The following PSORS1C1 variants were observed in gnomAD, a reference collection of about 807,000 sequenced individuals.
PSORS1C1 encodes the protein psoriasis susceptibility 1 candidate 1.
PSORS1C1 carries 7 observed loss-of-function variants against 9.4 expected under a neutral mutation model. That is an observed-to-expected ratio of 0.75 (90% confidence interval 0.42 to 1.40). PSORS1C1 has a LOEUF of 1.40. Among genes scored for constraint, PSORS1C1 ranks in the 40% most tolerant of loss-of-function variants. The pLI, the probability that PSORS1C1 is intolerant of heterozygous loss-of-function variation, is 0.01. For synonymous variants in PSORS1C1, 63 were observed against 69.4 expected (o/e 0.91, Z 0.46); for missense variants, 146 against 178.1 (o/e 0.82, Z 1.02).
chr6:31,136,675 G>A (rs1200898600), intron 3 of PSORS1C1, among the ~76,000 whole-genome samples: 2 of 152,160 alleles, frequency 1.3e-5, no homozygotes, highest in Non-Finnish European at 2.9e-5. Context: ...CTTTAATATA[G>A]TGTTCTCAGA....
chr6:31,127,533 C>T (rs937723206), intron 2 of PSORS1C1, among the ~76,000 whole-genome samples: 4 of 143,840 alleles, frequency 2.8e-5, no homozygotes, highest in African/African-American at 7.7e-5. Flanking sequence ...GACTGATCTC[C>T]ATTCTCTCAA....
intron 3 of PSORS1C1, chr6:31,138,088 G>A (rs1195421278): frequency 6.3e-7 from 1 of 1,582,410 alleles, no homozygotes; most frequent in South Asian, 1.2e-5. Flanking sequence ...GGAGGTTGAG[G>A]AGGATCCGTT....
intron 1 of PSORS1C1, among the ~76,000 whole-genome samples, chr6:31,121,197 TC>T (rs1275577513): frequency 6.6e-6 from 1 of 151,134 alleles, no homozygotes; most frequent in African/African-American, 2.4e-5. Context: ...GAGCCAGGGC[TC>T]AGCCAGGGGA....
intron 2 of PSORS1C1, among the ~76,000 whole-genome samples, chr6:31,126,468 G>A (rs1315182623): frequency 2.0e-5 from 3 of 152,156 alleles, no homozygotes; most frequent in Non-Finnish European, 4.4e-5. Context: ...CTCTTCCTGA[G>A]ATTATTCCTG....
Position 31,128,002 on chromosome 6 carries a change from G to A in PSORS1C1, c.-64-1567G>A, listed in dbSNP as rs962781842. On this transcript the variant is annotated intron_variant, in intron 2 of 5. Transcript: ENST00000259881. The surrounding 1 kb of genome is among the most constrained non-coding windows in gnomAD (Gnocchi z 4.3). Reference sequence around the variant, plus strand: ...AGGGCCCTGATCCCTTTGACTGGCTGTGGTATCCTCTCCTGTAGACCGCTG... The same window carrying A: ...AGGGCCCTGATCCCTTTGACTGGCTATGGTATCCTCTCCTGTAGACCGCTG... Among the ~76,000 whole-genome samples, 4 of 152,212 alleles carry A rather than the reference G, an allele frequency of 2.6e-5. No individual in the cohort carries two copies. Among genetic ancestry groups the A allele is most frequent in the Non-Finnish European group, 5.9e-5 (4 of 68,030 alleles).
In PSORS1C1 at chr6:31,115,725, A is replaced by C; in HGVS notation, c.-229+834A>C. The C allele has an allele frequency of 2.1e-6, 1 of 480,590 alleles. No homozygotes were observed. Among genetic ancestry groups the C allele is most frequent in the South Asian group, 4.0e-5 (1 of 25,200 alleles). The allele number at this position is 480,590 out of a possible 1,614,324, so 29.8% of individuals were successfully genotyped here. On this transcript the variant is annotated intron_variant, in intron 1 of 5. Coordinates refer to ENST00000259881, the MANE Select transcript of PSORS1C1 (RefSeq NM_014068.3). The surrounding 1 kb of genome is among the most constrained non-coding windows in gnomAD (Gnocchi z 4.2). ...GTTACTCAATGGACCATTTCCACAC[A>C]GTAGAGGGAATTGTAAGGGGTGGTG...
Position 31,139,090 on chromosome 6 carries a change from C to T in PSORS1C1, c.167+311C>T. On this transcript the variant is annotated intron_variant, in intron 5 of 5. Coordinates refer to ENST00000259881, the MANE Select transcript of PSORS1C1 (RefSeq NM_014068.3). This position sits in a 1 kb window ranked among gnomAD's most constrained non-coding sequence, Gnocchi z 5.2. ...CTGGGTGCCTGGGAACCCCAAGAGG[C>T]TTTATAGGGGAGGAGTGGAGGAGGG... is the stretch of plus-strand genomic sequence containing the variant. The T allele has an allele frequency of 7.0e-7, 1 of 1,429,794 alleles. No homozygotes were observed. Among genetic ancestry groups the T allele is most frequent in the Non-Finnish European group, 9.9e-7 (1 of 1,014,524 alleles). The allele number at this position is 1,429,794 out of a possible 1,614,324, so 88.6% of individuals were successfully genotyped here. A position where few individuals can be genotyped will look rare whatever the true frequency, so the allele number is the denominator to read the frequency against.
chr6:31,117,410 T>C (rs763309819), intron 1 of PSORS1C1: 1 of 1,566,560 alleles, frequency 6.4e-7, no homozygotes. Context: ...CTGGAGCCAC[T>C]GTAGCTACTG....
At chr6:31,117,134 A>G in intron 1 of PSORS1C1, 1 of 1,612,116 alleles carries the variant, frequency 6.2e-7, no homozygotes, top group Middle Eastern at 1.6e-4. Context: ...CTGAACTGAA[A>G]GCTGCTGCTG....
In PSORS1C1 at chr6:31,117,080, T is replaced by C. The variant is rs769750730; in HGVS notation, c.-229+2189T>C. ...AGTATTCCGCGGTAAGAGTTGTCAT[T>C]GGTTGGCAGAGCAGAGCCATTCCCT... On this transcript the variant is annotated intron_variant, in intron 1 of 5. Coordinates refer to ENST00000259881, the MANE Select transcript of PSORS1C1 (RefSeq NM_014068.3). 5.6e-6 allele frequency: 9 copies of C among 1,614,208 alleles called. No individual in the cohort carries two copies. Among genetic ancestry groups the C allele is most frequent in the African/African-American group, 2.7e-5 (2 of 75,064 alleles).
chr6:31,138,224 G>A (rs1378594426), intron 3 of PSORS1C1: 2 of 1,567,176 alleles, frequency 1.3e-6, no homozygotes, highest in Non-Finnish European at 1.7e-6. Flanking sequence ...GGACTGGGGG[G>A]CCCTGAGGCA....
At chr6:31,133,092 G>A (rs3823417) in intron 3 of PSORS1C1, among the ~76,000 whole-genome samples, 39,386 of 151,910 alleles carry the variant, frequency 0.26, 5,526 homozygotes, top group Middle Eastern at 0.38. Context: ...AAAAGGTCCC[G>A]GCAGAGGCAT....
At position 31,139,570 on chromosome 6, in the gene PSORS1C1, C is replaced by T. The variant is rs1272349502; in HGVS notation, c.168-71C>T. The T allele has an allele frequency of 2.0e-5, 30 of 1,506,428 alleles. No individual in the cohort carries two copies. The South Asian group carries it at 3.2e-4, about 16-fold the overall frequency. 93.3% of individuals were successfully genotyped at this position (1,506,428 alleles called of 1,614,324 possible). A position where few individuals can be genotyped will look rare whatever the true frequency, so the allele number is the denominator to read the frequency against. Reference sequence around the variant, plus strand: ...GCACTGAAAGCTCCCCCTGGGGCTTCGTGCTTTCCTGGGCACTTCCCTTCC... The same window carrying T: ...GCACTGAAAGCTCCCCCTGGGGCTTTGTGCTTTCCTGGGCACTTCCCTTCC... On this transcript the variant is annotated intron_variant, in intron 5 of 5. Coordinates refer to ENST00000259881, the MANE Select transcript of PSORS1C1 (RefSeq NM_014068.3). The surrounding 1 kb of genome is among the most constrained non-coding windows in gnomAD (Gnocchi z 5.2).
intron 3 of PSORS1C1, among the ~76,000 whole-genome samples, chr6:31,130,410 ATTGT>A (rs1321876278): frequency 6.4e-5 from 6 of 93,192 alleles, no homozygotes; most frequent in African/African-American, 3.1e-4. Flanking sequence ...GGCCTGGCTA[ATTGT>A]TTGTTTTTTT....
At chr6:31,117,303 T>A (rs1772206032) in intron 1 of PSORS1C1, 1 of 1,590,012 alleles carries the variant, frequency 6.3e-7, no homozygotes, top group South Asian at 1.1e-5. Context: ...GCTTAAAAGA[T>A]CCTGCAGAAC....
chr6:31,138,341 G>C (rs368467503), intron 3 of PSORS1C1, 89 bp from the exon 4 acceptor site: 79 of 1,607,268 alleles, frequency 4.9e-5, no homozygotes, highest in Non-Finnish European at 5.3e-5. Context: ...AAGAGGTGGT[G>C]AGGGCTTCTC....
At position 31,138,790 on chromosome 6, in the gene PSORS1C1, A is replaced by T; in HGVS notation, c.167+11A>T. Reference sequence around the variant, plus strand: ...AGCAAACCATTTCTGGTGAGAGCCAAATGCACCTTCTGCACCATGTCCCCC... The same window carrying T: ...AGCAAACCATTTCTGGTGAGAGCCATATGCACCTTCTGCACCATGTCCCCC... On this transcript the variant is annotated intron_variant, in intron 5 of 5. Transcript: ENST00000259881. The T allele has an allele frequency of 6.2e-7, 1 of 1,614,088 alleles. No homozygotes were observed. The highest frequency in any genetic ancestry group is 8.5e-7 in the Non-Finnish European group (1 of 1,180,004).
intron 2 of PSORS1C1, 58 bp downstream of exon 2, chr6:31,125,897 A>G (rs1772660295): frequency 6.6e-6 from 1 of 152,244 alleles, no homozygotes. Context: ...ATATTTTGAA[A>G]TAAAAGAATG....
chr6:31,126,598 A>G (rs1772691310), intron 2 of PSORS1C1, among the ~76,000 whole-genome samples: 1 of 148,276 alleles, frequency 6.7e-6, no homozygotes, highest in Non-Finnish European at 1.5e-5. Context: ...CCCACTTTCC[A>G]CTCTTCCCAT....
Sources: gnomAD v4.1 joint callset for allele counts (sites outside exome capture counted in the v4.1 genomes callset) on GRCh38, gnomAD v4.1.1 for gene constraint, Gnocchi (gnomAD v3.1) non-coding constraint, MANE v1.5 for transcripts, NCBI Gene and HGNC (gene_info 2026-07-23, HGNC 2026-07-21) for gene names.